NCAM1: variants seen among roughly 807,000 people sequenced by gnomAD.
The protein encoded by NCAM1 is neural cell adhesion molecule 1, also known as antigen recognized by monoclonal antibody 5.1H11.
NCAM1 carries 14 observed loss-of-function variants against 109.8 expected under a neutral mutation model. The observed-to-expected ratio is 0.13, with a 90% CI of 0.08 to 0.20. NCAM1 has a LOEUF of 0.20. Among genes scored for constraint, NCAM1 ranks in the 10% least tolerant of loss-of-function variants. The pLI, the probability that NCAM1 is intolerant of heterozygous loss-of-function variation, is 1.00. For missense variants in NCAM1, 774 were observed against 1,109.9 expected (o/e 0.70, Z 4.30); for synonymous variants, 418 against 442.9 (o/e 0.94, Z 0.70).
intron 1 of NCAM1, among the ~76,000 whole-genome samples, chr11:113,185,584 A>C (rs1222779333): frequency 6.6e-6 from 1 of 152,208 alleles, no homozygotes; most frequent in Non-Finnish European, 1.5e-5. Flanking sequence ...AAAGTGTTAC[A>C]GGGACAAACG....
At chr11:113,134,027 T>C (rs1941508712) in intron 1 of NCAM1, 2 of 152,192 alleles carry the variant, frequency 1.3e-5, no homozygotes. Context: ...TTAATCATTT[T>C]TAAGTATACC....
chr11:113,055,658 C>A (rs923295307), intron 1 of NCAM1, among the ~76,000 whole-genome samples: 13 of 152,026 alleles, frequency 8.6e-5, no homozygotes, highest in African/African-American at 2.7e-4. Flanking sequence ...TCTTCATGCC[C>A]TTGTCTAATC....
chr11:112,965,295 A>G (rs1950702421), intron 1 of NCAM1, among the ~76,000 whole-genome samples: 1 of 152,082 alleles, frequency 6.6e-6, no homozygotes, highest in South Asian at 2.1e-4. Context: ...TGGGTGTGCT[A>G]TTTGTAAGGG....
At chr11:113,083,381 G>A (rs902070126) in intron 1 of NCAM1, among the ~76,000 whole-genome samples, 36 of 152,146 alleles carry the variant, frequency 2.4e-4, no homozygotes, top group Admixed American at 2.2e-3. Flanking sequence ...TCCCACCAGG[G>A]CTTGATCATT....
At chr11:113,092,518 C>T (rs1308401555) in intron 1 of NCAM1, among the ~76,000 whole-genome samples, 3 of 152,126 alleles carry the variant, frequency 2.0e-5, no homozygotes, top group Non-Finnish European at 4.4e-5. Context: ...CCCCTAGTTA[C>T]ACAGCTACCA....
intron 1 of NCAM1, among the ~76,000 whole-genome samples, chr11:113,093,875 C>T (rs370949365): frequency 1.3e-5 from 2 of 152,302 alleles, no homozygotes; most frequent in African/African-American, 4.8e-5. Flanking sequence ...ATTACATTCT[C>T]CTGATGTTCT....
intron 1 of NCAM1, among the ~76,000 whole-genome samples, chr11:113,106,590 A>G (rs1940178060): frequency 6.6e-6 from 1 of 152,238 alleles, no homozygotes; most frequent in African/African-American, 2.4e-5. Flanking sequence ...AAGACAAAAC[A>G]AAGATCAGGT....
chr11:113,153,125 C>T lies in NCAM1; in HGVS notation c.53-49254C>T, dbSNP rs185217357. 4.6e-5 allele frequency among the ~76,000 whole-genome samples: 7 copies of T among 152,062 alleles called. No individual in the cohort carries two copies. In the Middle Eastern group the frequency reaches 0.01, roughly 222 times the overall value. On this transcript the variant is annotated intron_variant, in intron 1 of 19. Transcript: ENST00000316851. ...TGGTGCATTCTTGGTTCACTGCAAC[C>T]TCCGCCTCCCGGGTTCAAGTGATTC...
chr11:113,234,879 G>A (rs140357702), intron 13 of NCAM1, among the ~76,000 whole-genome samples, 154 bp from the exon 14 acceptor site: 55 of 152,302 alleles, frequency 3.6e-4, no homozygotes, highest in African/African-American at 1.2e-3. Context: ...GTTTGGTCCC[G>A]ACTTTCAATT....
intron 1 of NCAM1, among the ~76,000 whole-genome samples, chr11:113,193,217 G>A (rs530396122): frequency 3.9e-5 from 6 of 152,322 alleles, no homozygotes; most frequent in South Asian, 2.1e-4. Flanking sequence ...ACAAGCAGGC[G>A]TGTATCATCA....
intron 15 of NCAM1, among the ~76,000 whole-genome samples, chr11:113,255,597 G>GAAAAAAA (rs34738476): frequency 1.1e-5 from 1 of 92,964 alleles, no homozygotes; most frequent in Non-Finnish European, 2.0e-5. Flanking sequence ...TGAGACAGGG[G>GAAAAAAA]AAAAAAAAAA....
At chr11:113,095,447 C>T (rs145293994) in intron 1 of NCAM1, among the ~76,000 whole-genome samples, 9 of 152,288 alleles carry the variant, frequency 5.9e-5, no homozygotes, top group Admixed American at 4.6e-4. Context: ...AATAGCTACA[C>T]AGTCCAGCAA....
At chr11:112,977,316 G>A (rs1464620397) in intron 1 of NCAM1, 1 of 151,822 alleles carries the variant, frequency 6.6e-6, no homozygotes, top group African/African-American at 2.4e-5. Context: ...ATAAGCATAT[G>A]TGTAAGTGAG....
At chr11:113,231,280 C>T in intron 9 of NCAM1, 1 of 1,507,704 alleles carries the variant, frequency 6.6e-7, no homozygotes, top group Non-Finnish European at 8.9e-7. Context: ...TGAGGTAGGG[C>T]TGCTGCTGCT....
At chr11:113,211,853 G>A (rs1245742772) in intron 7 of NCAM1, among the ~76,000 whole-genome samples, 2 of 152,202 alleles carry the variant, frequency 1.3e-5, no homozygotes, top group Non-Finnish European at 2.9e-5. Context: ...CCTCTTAGTG[G>A]CAAGCATTCT....
At chr11:113,134,693 G>A (rs1293237765) in intron 1 of NCAM1, among the ~76,000 whole-genome samples, 3 of 152,134 alleles carry the variant, frequency 2.0e-5, no homozygotes, top group Non-Finnish European at 4.4e-5. Flanking sequence ...AGAAGGCTGT[G>A]GAAGCACATG....
intron 1 of NCAM1, among the ~76,000 whole-genome samples, chr11:113,145,843 C>A (rs1322306813): frequency 6.6e-6 from 1 of 151,666 alleles, no homozygotes; most frequent in African/African-American, 2.4e-5. Context: ...AGCAAATAAC[C>A]CTCTCCGGAG....
intron 1 of NCAM1, among the ~76,000 whole-genome samples, chr11:113,083,174 G>A (rs782049612): frequency 4.6e-5 from 7 of 151,860 alleles, no homozygotes; most frequent in East Asian, 1.9e-4. Context: ...TGCTATATTT[G>A]TTGAGCTTTT....
intron 1 of NCAM1, among the ~76,000 whole-genome samples, chr11:113,102,470 C>G (rs1409712331): frequency 6.6e-6 from 1 of 152,116 alleles, no homozygotes; most frequent in Non-Finnish European, 1.5e-5. Context: ...CTGGCCTAAG[C>G]ACTAGTCTTG....
Sources: gnomAD v4.1 joint callset for allele counts (sites outside exome capture counted in the v4.1 genomes callset) on GRCh38, gnomAD v4.1.1 for gene constraint, MANE v1.5 for transcripts, NCBI Gene and HGNC (gene_info 2026-07-23, HGNC 2026-07-21) for gene names.